PAK5: variants seen among roughly 807,000 people sequenced by gnomAD.
The protein encoded by PAK5 is serine/threonine-protein kinase PAK 5.
Under a neutral mutation model 65.9 loss-of-function variants are expected in PAK5, and 16 were observed. That is an observed-to-expected ratio of 0.24 (90% CI 0.16 to 0.37). The LOEUF (loss-of-function observed/expected upper bound fraction) is 0.37. Among genes scored for constraint, PAK5 ranks in the 10% least tolerant of loss-of-function variants. The probability of loss-of-function intolerance (pLI) is 1.00; values close to 1 mark genes in which losing one functional copy is unlikely to be tolerated. For missense variants in PAK5, 785 were observed against 903.9 expected, an observed-to-expected ratio of 0.87 and a Z score of 1.69; for synonymous variants, 371 against 354.9, an observed-to-expected ratio of 1.05 and a Z score of -0.51.
intron 1 of PAK5, among the ~76,000 whole-genome samples, chr20:9,791,576 C>T (rs2049050616): frequency 6.6e-6 from 1 of 152,108 alleles, no homozygotes; most frequent in Non-Finnish European, 1.5e-5. Flanking sequence ...TCTTTTCCCA[C>T]CTGTGCATCA....
At chr20:9,713,351 GA>G (rs144654041) in intron 1 of PAK5, among the ~76,000 whole-genome samples, 105 of 150,112 alleles carry the variant, frequency 7.0e-4, no homozygotes, top group African/African-American at 2.3e-3. Context: ...TTATCAAAAA[GA>G]AAAAAAAATA....
chr20:9,576,121 G>C (rs569816817), intron 4 of PAK5, among the ~76,000 whole-genome samples: 1 of 151,792 alleles, frequency 6.6e-6, no homozygotes, highest in African/African-American at 2.4e-5. Context: ...TAGTAATTAA[G>C]CTGCTGTAAT....
At chr20:9,749,869 A>G (rs972567364) in intron 1 of PAK5, among the ~76,000 whole-genome samples, 1 of 152,150 alleles carries the variant, frequency 6.6e-6, no homozygotes. Context: ...CAAGTTCCAT[A>G]TCTCCTTGCT....
At chr20:9,770,180 G>C (rs778982662) in intron 1 of PAK5, among the ~76,000 whole-genome samples, 4 of 152,164 alleles carry the variant, frequency 2.6e-5, no homozygotes, top group Admixed American at 6.6e-5. Flanking sequence ...TTCCTAAGAG[G>C]AGGGCTTGGA....
intron 2 of PAK5, among the ~76,000 whole-genome samples, chr20:9,669,767 T>G (rs1174641182): frequency 6.6e-6 from 1 of 152,052 alleles, no homozygotes; most frequent in Non-Finnish European, 1.5e-5. Flanking sequence ...TTATTTTGAT[T>G]TTTAAAATTT....
At chr20:9,760,329 G>C (rs1018951968) in intron 1 of PAK5, among the ~76,000 whole-genome samples, 1 of 152,126 alleles carries the variant, frequency 6.6e-6, no homozygotes, top group Non-Finnish European at 1.5e-5. Context: ...AAGAGTTCCA[G>C]TATTGAGGGC....
chr20:9,687,886 G>GGTGTGTGTGTGTGTGT (rs111641971), intron 2 of PAK5, among the ~76,000 whole-genome samples: 9 of 148,626 alleles, frequency 6.1e-5, no homozygotes, highest in African/African-American at 2.2e-4. Flanking sequence ...AAGAGAGGGA[G>GGTGTGTGTGTGTGTGT]GTGTGTGTGT....
At chr20:9,593,826 TTCTCTC>T (rs758935621) in intron 3 of PAK5, among the ~76,000 whole-genome samples, 3 of 148,504 alleles carry the variant, frequency 2.0e-5, no homozygotes, top group South Asian at 4.3e-4. Context: ...CTCTCTCTCT[TTCTCTC>T]TCTCTCTCTC....
At chr20:9,821,955 C>T (rs2049425855) in intron 1 of PAK5, among the ~76,000 whole-genome samples, 1 of 152,102 alleles carries the variant, frequency 6.6e-6, no homozygotes, top group South Asian at 2.1e-4. Context: ...CCAAATAATG[C>T]CATGGAAGAT....
chr20:9,755,999 T>C lies in PAK5; in HGVS notation c.-161-44564A>G, dbSNP rs369860278. Reference sequence around the variant, plus strand: ...TCACTGAAACATAGCTCCATGAAGATAGGGTTTTGTTTCATCACTGAGGGG... The same window carrying C: ...TCACTGAAACATAGCTCCATGAAGACAGGGTTTTGTTTCATCACTGAGGGG... On this transcript the variant is annotated intron_variant, in intron 1 of 9. Transcript: ENST00000353224. 3.2e-4 allele frequency among the ~76,000 whole-genome samples: 49 copies of C among 152,198 alleles called. No homozygotes were observed. In the East Asian group the frequency reaches 5.2e-3, roughly 16 times the overall value.
intron 1 of PAK5, among the ~76,000 whole-genome samples, chr20:9,746,084 T>A (rs981559847): frequency 6.6e-6 from 1 of 152,102 alleles, no homozygotes; most frequent in Non-Finnish European, 1.5e-5. Context: ...GAGAATAAAA[T>A]CTTCTCTTAT....
At position 9,744,775 on chromosome 20, in the gene PAK5, A is replaced by G. The variant is rs73895976; in HGVS notation, c.-161-33340T>C. ...CCTCTTGCCTTTGGGGTAATGGTTG[A>G]CACACCCACAGCCCTCAGCATGGTT... On this transcript the variant is annotated intron_variant, in intron 1 of 9. Coordinates refer to ENST00000353224, the MANE Select transcript of PAK5 (RefSeq NM_177990.4). 7.1e-3 allele frequency among the ~76,000 whole-genome samples: 1,086 copies of G among 152,272 alleles called. 20 individuals carry two copies. The highest frequency in any genetic ancestry group is 0.025 in the African/African-American group (1,032 of 41,554).
At chr20:9,782,298 C>G (rs2048949025) in intron 1 of PAK5, among the ~76,000 whole-genome samples, 1 of 152,096 alleles carries the variant, frequency 6.6e-6, no homozygotes, top group Non-Finnish European at 1.5e-5. Context: ...CTGTTTATTA[C>G]TGCAAACCCC....
chr20:9,642,138 C>T (rs573055233), intron 3 of PAK5, among the ~76,000 whole-genome samples: 1 of 152,338 alleles, frequency 6.6e-6, no homozygotes, highest in South Asian at 2.1e-4. Flanking sequence ...GGACTGCCAG[C>T]ATGCTGTCAC....
chr20:9,627,712 C>T (rs567641781), intron 3 of PAK5, among the ~76,000 whole-genome samples: 23 of 152,170 alleles, frequency 1.5e-4, no homozygotes, highest in African/African-American at 4.1e-4. Flanking sequence ...CTGCAACCTC[C>T]GCCTCCTGGG....
At chr20:9,769,089 G>A (rs370574095) in intron 1 of PAK5, among the ~76,000 whole-genome samples, 277 of 152,248 alleles carry the variant, frequency 1.8e-3, no homozygotes, top group Middle Eastern at 3.4e-3. Context: ...TTAACACAGT[G>A]AGAACACAGA....
chr20:9,543,842 G>A (rs2045304086), intron 8 of PAK5, among the ~76,000 whole-genome samples: 1 of 152,048 alleles, frequency 6.6e-6, no homozygotes, highest in Admixed American at 6.6e-5. Context: ...TCATTCCAGT[G>A]GAAACAGAAA....
chr20:9,628,254 C>T (rs2046874593), intron 3 of PAK5, among the ~76,000 whole-genome samples: 1 of 152,160 alleles, frequency 6.6e-6, no homozygotes, highest in African/African-American at 2.4e-5. Flanking sequence ...GAAACAGAAG[C>T]TCACAGAGGT....
intron 1 of PAK5, among the ~76,000 whole-genome samples, chr20:9,785,323 G>A (rs917043745): frequency 4.6e-5 from 7 of 152,052 alleles, no homozygotes; most frequent in East Asian, 1.9e-4. Context: ...CATTTATGAC[G>A]TGTATGATTA....
Sources: allele counts gnomAD v4.1 joint callset (sites outside exome capture counted in the v4.1 genomes callset), GRCh38; gene constraint gnomAD v4.1.1; transcripts MANE v1.5; gene names NCBI Gene and HGNC (gene_info 2026-07-23, HGNC 2026-07-21).